The following SBNO1 variants were observed in gnomAD, a reference collection of about 807,000 sequenced individuals.
SBNO1 encodes the protein protein strawberry notch homolog 1.
SBNO1 carries 23 observed loss-of-function variants against 173.6 expected under a neutral mutation model. The ratio of observed to expected loss-of-function variants is 0.13; its 90% CI spans 0.10 to 0.19. The LOEUF (loss-of-function observed/expected upper bound fraction) is 0.19, where lower values mean the gene tolerates loss of function less well. Ranked by LOEUF, SBNO1 falls within the 10% of genes least tolerant of loss-of-function variation. SBNO1 has a pLI of 1.00. For synonymous variants in SBNO1, 632 were observed against 571.5 expected (o/e 1.11, Z -1.51); for missense variants, 1,238 against 1,671.2 (o/e 0.74, Z 4.52).
In SBNO1 at chr12:123,304,696, G is replaced by A. The variant is rs200943241; in HGVS notation, c.3654C>T (p.Ala1218=). The change falls in exon 29 of 32, where the codon GCC becomes GCT. Residue 1218 remains alanine (A), a synonymous_variant. Transcript: ENST00000602398. ...SLQIRNNKKT[A]ILVKEVNPKK... ...TAGGATTCACTTCTTTAACTAAGATGGCAGTTTTCTTGTTGTTCCTTATCT... is the reference window on the plus strand; with the variant it reads ...TAGGATTCACTTCTTTAACTAAGATAGCAGTTTTCTTGTTGTTCCTTATCT... The A allele has an allele frequency of 6.5e-7, 1 of 1,536,628 alleles. No individual in the cohort carries two copies. The highest frequency in any genetic ancestry group is 9.0e-7 in the Non-Finnish European group (1 of 1,116,180).
intron 1 of SBNO1, among the ~76,000 whole-genome samples, chr12:123,360,693 T>C (rs1431846327): frequency 6.6e-6 from 1 of 151,938 alleles, no homozygotes. Context: ...TCCACCAGCC[T>C]CGGCCCCCTC....
At chr12:123,361,617 C>T (rs2139112960) in intron 1 of SBNO1, among the ~76,000 whole-genome samples, 1 of 151,332 alleles carries the variant, frequency 6.6e-6, no homozygotes, top group Non-Finnish European at 1.5e-5. Context: ...ACCTGTAATC[C>T]CAGCTACTCA....
chr12:123,325,469 G>C lies in SBNO1; in HGVS notation c.1973+33C>G, dbSNP rs748888924. ...ACTAAGGTAAGGAAGAACTCAAAAA[G>C]AAACAAAAACATTAAAAGAACAAAA... On this transcript the variant is annotated intron_variant, in intron 15 of 31. Transcript: ENST00000602398. The C allele has an allele frequency of 2.0e-6, 3 of 1,496,518 alleles. 1 individual carries two copies. The highest frequency in any genetic ancestry group is 2.3e-5 in the South Asian group (2 of 87,594). 92.7% of individuals were successfully genotyped at this position (1,496,518 alleles called of 1,614,324 possible). A position where few individuals can be genotyped will look rare whatever the true frequency, so the allele number is the denominator to read the frequency against.
chr12:123,308,123 G>A (rs1389564592), intron 28 of SBNO1, among the ~76,000 whole-genome samples: 6 of 152,042 alleles, frequency 3.9e-5, no homozygotes, highest in African/African-American at 1.2e-4. Flanking sequence ...GAGAACTGGC[G>A]AAATAAAATT....
At chr12:123,359,772 C>CT (rs1384817912) in intron 1 of SBNO1, among the ~76,000 whole-genome samples, 1 of 152,136 alleles carries the variant, frequency 6.6e-6, no homozygotes, top group African/African-American at 2.4e-5. Flanking sequence ...ATCCTTTCCA[C>CT]TTAAGGAAAT....
At position 123,289,986 on chromosome 12, in the gene SBNO1, C is replaced by G. The variant is rs1315802711; in HGVS notation, c.*5922G>C. ...GCAGTGGAAAAGCCAGACAGGTTCT[C>G]ACCAGGGGCCTGCAGAGTGGCCTTC... On this transcript the variant is annotated 3_prime_UTR_variant, in exon 32 of 32. Transcript: ENST00000602398. 1 of 152,282 alleles carries G rather than the reference C, an allele frequency of 6.6e-6. No homozygotes were observed. The highest frequency in any genetic ancestry group is 2.4e-5 in the African/African-American group (1 of 41,462). 9.4% of individuals were successfully genotyped at this position (152,282 alleles called of 1,614,324 possible). A position where few individuals can be genotyped will look rare whatever the true frequency, so the allele number is the denominator to read the frequency against.
At chr12:123,305,554 G>A (rs1007185093) in intron 28 of SBNO1, among the ~76,000 whole-genome samples, 6 of 152,016 alleles carry the variant, frequency 3.9e-5, no homozygotes, top group African/African-American at 1.5e-4. Flanking sequence ...CTCACTGCAA[G>A]CTCCGCCTCC....
Position 123,291,404 on chromosome 12 carries a change from A to G in SBNO1, c.*4504T>C, listed in dbSNP as rs1330880719. 6.6e-6 allele frequency: 1 copy of G among 152,206 alleles called. No individual in the cohort carries two copies. Among genetic ancestry groups the G allele is most frequent in the African/African-American group, 2.4e-5 (1 of 41,452 alleles). 9.4% of individuals were successfully genotyped at this position (152,206 alleles called of 1,614,324 possible). ...TGCACTGAAGAAGTTAGAGGAGCTTAAAGAAGTCTCAGGAAGCATTTTTTA... is the reference window on the plus strand; with the variant it reads ...TGCACTGAAGAAGTTAGAGGAGCTTGAAGAAGTCTCAGGAAGCATTTTTTA... On this transcript the variant is annotated 3_prime_UTR_variant, in exon 32 of 32. Coordinates refer to ENST00000602398, the MANE Select transcript of SBNO1 (RefSeq NM_001167856.3).
intron 23 of SBNO1, among the ~76,000 whole-genome samples, chr12:123,314,859 A>G (rs1400233126): frequency 6.7e-6 from 1 of 150,300 alleles, no homozygotes; most frequent in East Asian, 2.0e-4. Flanking sequence ...GGCCTCCTAT[A>G]TTCTGGGATT....
At chr12:123,302,759 G>A in intron 30 of SBNO1, 65 bp downstream of exon 30, 2 of 949,492 alleles carry the variant, frequency 2.1e-6, no homozygotes. Flanking sequence ...CTGATAAAGA[G>A]TGAAGGTGTA....
intron 9 of SBNO1, among the ~76,000 whole-genome samples, chr12:123,329,920 T>C (rs533196984): frequency 2.0e-5 from 3 of 152,212 alleles, no homozygotes; most frequent in African/African-American, 4.8e-5. Flanking sequence ...TGGCACACAT[T>C]GTCTTTCAGC....
chr12:123,322,478 A>G (rs1870099513), intron 16 of SBNO1, among the ~76,000 whole-genome samples: 2 of 152,094 alleles, frequency 1.3e-5, no homozygotes, highest in Admixed American at 6.5e-5. Context: ...TTTAATTTTT[A>G]GTAGAGAAGG....
chr12:123,299,262 G>A (rs1194395155), intron 30 of SBNO1, among the ~76,000 whole-genome samples: 1 of 151,970 alleles, frequency 6.6e-6, no homozygotes, highest in Non-Finnish European at 1.5e-5. Context: ...CAGCTACTCG[G>A]GAAGCTGAGG....
chr12:123,356,985 A>G (rs1874533329), intron 1 of SBNO1, among the ~76,000 whole-genome samples: 1 of 152,220 alleles, frequency 6.6e-6, no homozygotes, highest in African/African-American at 2.4e-5. Flanking sequence ...TGCAGCTGTG[A>G]TATGACTGAC....
intron 1 of SBNO1, among the ~76,000 whole-genome samples, chr12:123,352,091 G>A (rs1289433713): frequency 1.3e-5 from 2 of 151,222 alleles, no homozygotes; most frequent in Admixed American, 1.3e-4. Context: ...CCATTTTATA[G>A]GGGGGAAAAA....
intron 1 of SBNO1, among the ~76,000 whole-genome samples, chr12:123,355,002 C>T (rs540974019): frequency 1.2e-4 from 18 of 152,252 alleles, no homozygotes; most frequent in African/African-American, 4.1e-4. Context: ...CCAGCCTGGG[C>T]AACAAAGGGA....
intron 25 of SBNO1, among the ~76,000 whole-genome samples, chr12:123,310,130 T>C (rs1052880365): frequency 3.3e-5 from 5 of 152,206 alleles, no homozygotes; most frequent in South Asian, 2.1e-4. Flanking sequence ...AGAAAGTTAG[T>C]TCTCCAACAC....
intron 24 of SBNO1, among the ~76,000 whole-genome samples, chr12:123,311,725 T>TCTATCTAC (rs1388757176): frequency 6.3e-5 from 5 of 79,626 alleles, no homozygotes; most frequent in Admixed American, 1.3e-4. Context: ...TCTATCTATA[T>TCTATCTAC]ATATATATAT....
chr12:123,362,480 G>C (rs902283972), intron 1 of SBNO1, among the ~76,000 whole-genome samples: 4 of 149,552 alleles, frequency 2.7e-5, no homozygotes, highest in African/African-American at 4.9e-5. Context: ...GATTCTGACG[G>C]GGGGGCCAAG....
Sources: gnomAD v4.1 joint callset for allele counts (sites outside exome capture counted in the v4.1 genomes callset) on GRCh38, gnomAD v4.1.1 for gene constraint, MANE v1.5 for transcripts, NCBI Gene and HGNC (gene_info 2026-07-23, HGNC 2026-07-21) for gene names.